Variants in FANCL observed in about 807,000 individuals in gnomAD.
FANCL encodes FA complementation group L.
FANCL carries 69 observed loss-of-function variants against 59.4 expected under a neutral mutation model. That is an observed-to-expected ratio of 1.16 (90% confidence interval 0.96 to 1.42). The LOEUF (loss-of-function observed/expected upper bound fraction) is 1.42. Among genes scored for constraint, FANCL ranks in the 40% most tolerant of loss-of-function variants. The pLI is 0.00. For synonymous variants in FANCL, 180 were observed against 147.1 expected, an observed-to-expected ratio of 1.22 and a Z score of -1.62; for missense variants, 519 against 447.2, an observed-to-expected ratio of 1.16 and a Z score of -1.45.
chr2:58,183,314 A>T (rs538962918), intron 7 of FANCL, among the ~76,000 whole-genome samples: 1 of 151,970 alleles, frequency 6.6e-6, no homozygotes, highest in South Asian at 2.1e-4. Flanking sequence ...AGAGCTTCAG[A>T]GTTACAGGAT....
chr2:58,219,483 CAT>C (rs1692257829), intron 5 of FANCL, among the ~76,000 whole-genome samples: 1 of 151,566 alleles, frequency 6.6e-6, no homozygotes, highest in Non-Finnish European at 1.5e-5. Flanking sequence ...GTGTGAGCTA[CAT>C]ATAGTGACTT....
chr2:58,241,072 C>A, intron 1 of FANCL, 146 bp downstream of exon 1: 1 of 801,982 alleles, frequency 1.2e-6, no homozygotes, highest in Non-Finnish European at 2.1e-6. Context: ...GCTTCTCAAA[C>A]CTTTAGTCTC....
chr2:58,184,761 T>C (rs889367274), intron 7 of FANCL, among the ~76,000 whole-genome samples: 28 of 152,174 alleles, frequency 1.8e-4, no homozygotes, highest in African/African-American at 6.5e-4. Flanking sequence ...AGCTAAGCCT[T>C]AGCATGGTAT....
intron 5 of FANCL, among the ~76,000 whole-genome samples, chr2:58,204,802 T>C (rs1421548660): frequency 6.6e-6 from 1 of 152,148 alleles, no homozygotes; most frequent in African/African-American, 2.4e-5. Context: ...ATATAGCTTC[T>C]GACACTTAAC....
chr2:58,185,359 TG>T (rs1369281337), intron 7 of FANCL, among the ~76,000 whole-genome samples: 1 of 152,120 alleles, frequency 6.6e-6, no homozygotes, highest in Non-Finnish European at 1.5e-5. Flanking sequence ...GATCTGTATT[TG>T]GGATCTCTGT....
Position 58,165,715 on chromosome 2 carries a change from T to A in FANCL, c.691+9A>T. 1 of 1,614,090 alleles carries A rather than the reference T, an allele frequency of 6.2e-7. No individual in the cohort carries two copies. The highest frequency in any genetic ancestry group is 8.5e-7 in the Non-Finnish European group (1 of 1,179,948). On this transcript the variant is annotated intron_variant, in intron 8 of 13. Transcript: ENST00000233741. ...CTAAAAACAAACCCTTAATCCTCCT[T>A]GTCCCTACCTAATGCAATTCTGCGT... is the stretch of plus-strand genomic sequence containing the variant.
intron 7 of FANCL, among the ~76,000 whole-genome samples, chr2:58,175,875 T>G (rs1268014733): frequency 3.9e-5 from 6 of 151,932 alleles, no homozygotes; most frequent in Admixed American, 6.6e-5. Flanking sequence ...ATTGTATATC[T>G]AGAAAACCCC....
chr2:58,197,651 G>A (rs908562180), intron 7 of FANCL, among the ~76,000 whole-genome samples: 18 of 152,086 alleles, frequency 1.2e-4, no homozygotes, highest in African/African-American at 3.4e-4. Flanking sequence ...AATGTACTGC[G>A]AAATTCAACT....
chr2:58,173,209 C>T (rs1686865950), intron 7 of FANCL, among the ~76,000 whole-genome samples: 1 of 152,214 alleles, frequency 6.6e-6, no homozygotes, highest in Non-Finnish European at 1.5e-5. Flanking sequence ...TTGGAAAACA[C>T]TCTGCAGGAT....
At chr2:58,229,526 C>T (rs975432212) in intron 3 of FANCL, among the ~76,000 whole-genome samples, 2 of 152,120 alleles carry the variant, frequency 1.3e-5, no homozygotes, top group East Asian at 3.9e-4. Context: ...CTATCACCAC[C>T]ATTCAGTCTC....
intron 5 of FANCL, among the ~76,000 whole-genome samples, chr2:58,207,088 T>A (rs1690659597): frequency 6.6e-6 from 1 of 152,168 alleles, no homozygotes; most frequent in Admixed American, 6.5e-5. Context: ...GGTGTTGGCA[T>A]ATAACTACAT....
chr2:58,165,628 A>G (rs946421370), intron 8 of FANCL, 96 bp downstream of exon 8: 72 of 1,462,862 alleles, frequency 4.9e-5, no homozygotes, highest in Non-Finnish European at 6.3e-5. Flanking sequence ...TTGACTTCAT[A>G]TAAAGAAGTC....
At chr2:58,177,947 G>A (rs1687524159) in intron 7 of FANCL, among the ~76,000 whole-genome samples, 1 of 152,014 alleles carries the variant, frequency 6.6e-6, no homozygotes, top group Non-Finnish European at 1.5e-5. Flanking sequence ...TACTATCACA[G>A]AATGCTATAA....
chr2:58,215,262 T>C (rs993638699), intron 5 of FANCL, among the ~76,000 whole-genome samples: 1 of 152,174 alleles, frequency 6.6e-6, no homozygotes, highest in Non-Finnish European at 1.5e-5. Context: ...CTTCCCTGTC[T>C]CTCCTCACCA....
intron 7 of FANCL, among the ~76,000 whole-genome samples, chr2:58,167,207 T>A (rs1253333013): frequency 6.6e-6 from 1 of 151,938 alleles, no homozygotes; most frequent in Non-Finnish European, 1.5e-5. Flanking sequence ...CTAGACTCCG[T>A]CTCAAAAAGA....
At chr2:58,170,088 A>C (rs1418345904) in intron 7 of FANCL, among the ~76,000 whole-genome samples, 1 of 152,212 alleles carries the variant, frequency 6.6e-6, no homozygotes, top group Non-Finnish European at 1.5e-5. Context: ...TAATGGTCAG[A>C]TTCATCAAGG....
chr2:58,172,029 T>C (rs1686691473), intron 7 of FANCL, among the ~76,000 whole-genome samples: 3 of 152,148 alleles, frequency 2.0e-5, no homozygotes, highest in Non-Finnish European at 4.4e-5. Context: ...AACTGCAAGG[T>C]GGCAGCGAGG....
At position 58,187,079 on chromosome 2, in the gene FANCL, G is replaced by A. The variant is rs537388187; in HGVS notation, c.540+11515C>T. ...CCCATGACTGGGTATATACCCAAAGGATTATAAACCATGTTACTATAAAAA... is the reference window on the plus strand; with the variant it reads ...CCCATGACTGGGTATATACCCAAAGAATTATAAACCATGTTACTATAAAAA... On this transcript the variant is annotated intron_variant, in intron 7 of 13. Transcript: ENST00000233741. Among the ~76,000 whole-genome samples the A allele has an allele frequency of 3.3e-5, 5 of 152,118 alleles. No individual in the cohort carries two copies. In the South Asian group the frequency reaches 1.0e-3, roughly 32 times the overall value.
intron 7 of FANCL, among the ~76,000 whole-genome samples, chr2:58,166,751 C>A (rs1216629481): frequency 6.6e-6 from 1 of 152,138 alleles, no homozygotes; most frequent in Non-Finnish European, 1.5e-5. Context: ...GAATATGATA[C>A]ACCCTAAGAT....
Sources: gnomAD v4.1 joint callset for allele counts (sites outside exome capture counted in the v4.1 genomes callset) on GRCh38, gnomAD v4.1.1 for gene constraint, MANE v1.5 for transcripts, NCBI Gene and HGNC (gene_info 2026-07-23, HGNC 2026-07-21) for gene names.